The following USP47 variants were observed in gnomAD, a reference collection of about 807,000 sequenced individuals.
USP47 encodes the protein ubiquitin carboxyl-terminal hydrolase 47.
In USP47, 35 loss-of-function variants were observed where a neutral mutation model predicts 165.1. The ratio of observed to expected loss-of-function variants is 0.21; its 90% confidence interval spans 0.16 to 0.28. The LOEUF (loss-of-function observed/expected upper bound fraction) is 0.28, where lower values mean the gene tolerates loss of function less well. Among genes scored for constraint, USP47 ranks in the 10% least tolerant of loss-of-function variants. The pLI, the probability that USP47 is intolerant of heterozygous loss-of-function variation, is 1.00. For missense variants in USP47, 1,277 were observed against 1,607.4 expected, an observed-to-expected ratio of 0.79 and a Z score of 3.52; for synonymous variants, 531 against 544.5, an observed-to-expected ratio of 0.98 and a Z score of 0.35.
At chr11:11,911,401 G>C (rs1219253307) in intron 8 of USP47, among the ~76,000 whole-genome samples, 1 of 152,098 alleles carries the variant, frequency 6.6e-6, no homozygotes, top group Non-Finnish European at 1.5e-5. Flanking sequence ...TAAACCTACA[G>C]ATCTGAGTAG....
At chr11:11,943,239 T>G in intron 20 of USP47, 127 bp downstream of exon 20, 1 of 1,097,136 alleles carries the variant, frequency 9.1e-7, no homozygotes, top group Admixed American at 2.9e-5. Flanking sequence ...ATTATAAGAT[T>G]ATTGACGCAG....
chr11:11,850,181 C>A lies in USP47; in HGVS notation c.39+7957C>A, dbSNP rs142626194. ...TCTGCAAATTTTCCTTAAATAATTT[C>A]TTTGATTTCCTCTCCTTCATTTTAT... On this transcript the variant is annotated intron_variant, in intron 1 of 27. Coordinates refer to ENST00000527733, the MANE Select transcript of USP47 (RefSeq NM_001282659.2). Among the ~76,000 whole-genome samples, 654 of 151,506 alleles carry A rather than the reference C, an allele frequency of 4.3e-3. 9 individuals are homozygous for A. The highest frequency in any genetic ancestry group is 0.015 in the African/African-American group (605 of 41,330).
chr11:11,945,656 G>T (rs1465586694), intron 20 of USP47, among the ~76,000 whole-genome samples: 2 of 152,058 alleles, frequency 1.3e-5, no homozygotes, highest in Admixed American at 6.6e-5. Context: ...ATTCGTAAGG[G>T]TCAGTTACAG....
chr11:11,922,906 T>G lies in USP47; in HGVS notation c.1386+15T>G. The G allele has an allele frequency of 6.2e-7, 1 of 1,604,826 alleles. No individual in the cohort carries two copies. The highest frequency in any genetic ancestry group is 2.2e-5 in the East Asian group (1 of 44,486). On this transcript the variant is annotated intron_variant, in intron 11 of 27. Transcript: ENST00000527733. ...GACTTGAAAAGGTACCTTTTATAGT[T>G]TGCATTTTTTAGTTGAAAGTGAGAA...
intron 11 of USP47, among the ~76,000 whole-genome samples, chr11:11,924,681 TG>T (rs1854104410): frequency 6.6e-6 from 1 of 152,216 alleles, no homozygotes; most frequent in Non-Finnish European, 1.5e-5. Context: ...TGAGTTCTGG[TG>T]GTTTGTGATT....
At chr11:11,902,641 G>T (rs1258396398) in intron 5 of USP47, 74 bp from the exon 6 acceptor site, 3 of 1,094,640 alleles carry the variant, frequency 2.7e-6, no homozygotes, top group Middle Eastern at 3.2e-4. Flanking sequence ...ACATTATTAT[G>T]ATTTTGATAT....
At chr11:11,893,140 AG>A (rs1310619357) in intron 4 of USP47, among the ~76,000 whole-genome samples, 1 of 152,096 alleles carries the variant, frequency 6.6e-6, no homozygotes, top group African/African-American at 2.4e-5. Flanking sequence ...TTTTATGCAA[AG>A]GTTTATTTAC....
intron 20 of USP47, among the ~76,000 whole-genome samples, chr11:11,946,500 A>G (rs1322547016): frequency 2.6e-5 from 4 of 152,236 alleles, no homozygotes; most frequent in Middle Eastern, 3.2e-3. Flanking sequence ...CAACAATGTT[A>G]TATGTTATGA....
chr11:11,891,647 G>A (rs1353418750), intron 3 of USP47, among the ~76,000 whole-genome samples: 3 of 152,150 alleles, frequency 2.0e-5, no homozygotes, highest in African/African-American at 7.2e-5. Context: ...AGAGACAGTA[G>A]GAAACTATCC....
chr11:11,923,041 CATATATATATATATATAT>C (rs56976706), intron 11 of USP47, 150 bp downstream of exon 11: 10,129 of 140,024 alleles, frequency 0.072, 587 homozygotes, highest in East Asian at 0.24. Flanking sequence ...TTTTTTTGTA[CATATATATATATATATAT>C]ATATATATAT....
rs1006014632 is a variant in USP47, at chr11:11,958,693, C to T, written c.*2518C>T. On this transcript the variant is annotated 3_prime_UTR_variant, in exon 28 of 28. Coordinates refer to ENST00000527733, the MANE Select transcript of USP47 (RefSeq NM_001282659.2). ...TGCACACCCTGTGAGAACCAAGTAC[C>T]TGTGTTTCTAAGGCGGGCACTCAAG... 8 of 152,252 alleles carry T rather than the reference C, an allele frequency of 5.3e-5. No individual in the cohort carries two copies. The highest frequency in any genetic ancestry group is 1.2e-4 in the Non-Finnish European group (8 of 68,058). 9.4% of individuals were successfully genotyped at this position (152,252 alleles called of 1,614,324 possible). A position where few individuals can be genotyped will look rare whatever the true frequency, so the allele number is the denominator to read the frequency against.
At chr11:11,905,373 TA>T in intron 7 of USP47, 25 bp from the exon 8 acceptor site, 1 of 1,543,856 alleles carries the variant, frequency 6.5e-7, no homozygotes, top group South Asian at 1.2e-5. Flanking sequence ...AAGGAACACT[TA>T]AAAATGTAAA....
intron 8 of USP47, among the ~76,000 whole-genome samples, chr11:11,906,422 C>G (rs1009538222): frequency 6.6e-6 from 1 of 152,058 alleles, no homozygotes; most frequent in African/African-American, 2.4e-5. Flanking sequence ...TTTTTAAAAG[C>G]TTTTCTATAC....
At chr11:11,950,619 C>A in intron 24 of USP47, 137 bp downstream of exon 24, 3 of 629,378 alleles carry the variant, frequency 4.8e-6, no homozygotes, top group Admixed American at 5.9e-5. Flanking sequence ...TTAAGCATAA[C>A]GATATCCTTA....
intron 8 of USP47, among the ~76,000 whole-genome samples, chr11:11,918,021 A>G (rs565541311): frequency 3.3e-5 from 5 of 152,276 alleles, no homozygotes; most frequent in African/African-American, 4.8e-5. Flanking sequence ...CAGATTGCTT[A>G]TTAGCCGCGA....
intron 1 of USP47, among the ~76,000 whole-genome samples, chr11:11,848,915 AGC>A (rs1848578034): frequency 6.9e-6 from 1 of 144,952 alleles, no homozygotes; most frequent in Admixed American, 6.9e-5. Flanking sequence ...AGCCGAAACT[AGC>A]GTTTTTATAG....
intron 15 of USP47, 94 bp from the exon 16 acceptor site, chr11:11,933,737 A>G: frequency 1.2e-6 from 1 of 819,656 alleles, no homozygotes; most frequent in South Asian, 1.6e-5. Flanking sequence ...CTTTTAAAAA[A>G]TTGCAGTATT....
At chr11:11,951,469 C>G (rs985021568) in intron 24 of USP47, 3 of 152,122 alleles carry the variant, frequency 2.0e-5, no homozygotes, top group Non-Finnish European at 4.4e-5. Context: ...AACATTGGCA[C>G]ATTTAAAGTA....
At chr11:11,955,479 G>A (rs1369843390) in intron 27 of USP47, among the ~76,000 whole-genome samples, 2 of 152,042 alleles carry the variant, frequency 1.3e-5, no homozygotes, top group Non-Finnish European at 2.9e-5. Flanking sequence ...TAGAAATATT[G>A]TATGTCTGTT....
Sources: allele counts gnomAD v4.1 joint callset (sites outside exome capture counted in the v4.1 genomes callset), GRCh38; gene constraint gnomAD v4.1.1; transcripts MANE v1.5; gene names NCBI Gene and HGNC (gene_info 2026-07-23, HGNC 2026-07-21).